The following CNTNAP2 variants were observed in gnomAD, a reference collection of about 807,000 sequenced individuals.
CNTNAP2 encodes contactin associated protein 2.
Under a neutral mutation model 155.2 loss-of-function variants are expected in CNTNAP2, and 98 were observed. The observed-to-expected ratio is 0.63, with a 90% CI of 0.54 to 0.75. The LOEUF (loss-of-function observed/expected upper bound fraction) is 0.75, where lower values mean the gene tolerates loss of function less well. CNTNAP2 is among the 30% of genes least tolerant of loss of function. The pLI is 0.00. For synonymous variants in CNTNAP2, 651 were observed against 631.2 expected (o/e 1.03, Z -0.47); for missense variants, 1,727 against 1,688.1 (o/e 1.02, Z -0.40).
At chr7:147,578,555 C>A (rs759456276) in intron 12 of CNTNAP2, among the ~76,000 whole-genome samples, 1 of 151,988 alleles carries the variant, frequency 6.6e-6, no homozygotes, top group Non-Finnish European at 1.5e-5. Context: ...CAAAGGGTTT[C>A]TTTAACAGTA....
intron 13 of CNTNAP2, among the ~76,000 whole-genome samples, chr7:147,808,947 G>A (rs1045678963): frequency 1.3e-5 from 2 of 152,108 alleles, no homozygotes; most frequent in African/African-American, 2.4e-5. Context: ...GCACCAAGAT[G>A]AGCCCATTAC....
chr7:146,860,555 A>G (rs1795077445), intron 3 of CNTNAP2, among the ~76,000 whole-genome samples: 2 of 152,308 alleles, frequency 1.3e-5, no homozygotes, highest in African/African-American at 2.4e-5. Context: ...CTAGATAGGG[A>G]CATATTTATC....
intron 23 of CNTNAP2, among the ~76,000 whole-genome samples, chr7:148,411,896 G>A (rs942248375): frequency 5.3e-5 from 8 of 151,166 alleles, no homozygotes; most frequent in African/African-American, 1.9e-4. Context: ...TTTTTGTTTT[G>A]TTGGTCTATA....
intron 14 of CNTNAP2, among the ~76,000 whole-genome samples, chr7:147,921,580 G>T (rs1460244004): frequency 6.6e-6 from 1 of 152,162 alleles, no homozygotes; most frequent in Non-Finnish European, 1.5e-5. Flanking sequence ...GCACAAGGTA[G>T]TCTGCTAAGA....
rs116753095 is a variant in CNTNAP2, at chr7:147,995,360, C to T, written c.2383+17371C>T. Reference sequence around the variant, plus strand: ...CACAAGGATGCTGCCTCTCTCCTTCCCCTGCTCCCCAAACCCTTCTCCACA... The same window carrying T: ...CACAAGGATGCTGCCTCTCTCCTTCTCCTGCTCCCCAAACCCTTCTCCACA... On this transcript the variant is annotated intron_variant, in intron 15 of 23. Coordinates refer to ENST00000361727, the MANE Select transcript of CNTNAP2 (RefSeq NM_014141.6). 7.1e-3 allele frequency among the ~76,000 whole-genome samples: 1,085 copies of T among 152,196 alleles called. 17 individuals are homozygous for T. The highest frequency in any genetic ancestry group is 0.025 in the African/African-American group (1,021 of 41,502).
At chr7:146,245,390 T>C (rs1383374581) in intron 1 of CNTNAP2, among the ~76,000 whole-genome samples, 2 of 152,178 alleles carry the variant, frequency 1.3e-5, no homozygotes, top group East Asian at 3.9e-4. Flanking sequence ...TTTTGGAAGT[T>C]ATGAGAAATG....
chr7:146,332,128 C>T (rs6972724), intron 1 of CNTNAP2, among the ~76,000 whole-genome samples: 1 of 151,516 alleles, frequency 6.6e-6, no homozygotes, highest in African/African-American at 2.4e-5. Context: ...CTGATAAATA[C>T]ATGTATCTAT....
chr7:147,822,547 G>C (rs1258724253), intron 13 of CNTNAP2, among the ~76,000 whole-genome samples: 1 of 152,030 alleles, frequency 6.6e-6, no homozygotes, highest in Non-Finnish European at 1.5e-5. Flanking sequence ...TATTTTGTCA[G>C]CCTGCCAGAT....
chr7:146,846,226 A>G (rs1441054701), intron 3 of CNTNAP2, among the ~76,000 whole-genome samples: 1 of 152,174 alleles, frequency 6.6e-6, no homozygotes, highest in Non-Finnish European at 1.5e-5. Flanking sequence ...TCTTTATGTA[A>G]ACATCTACAT....
chr7:146,569,074 T>A (rs1798401001), intron 1 of CNTNAP2, among the ~76,000 whole-genome samples: 1 of 152,126 alleles, frequency 6.6e-6, no homozygotes, highest in Non-Finnish European at 1.5e-5. Context: ...TGGAGTGCAG[T>A]GGCGCAATCT....
intron 2 of CNTNAP2, among the ~76,000 whole-genome samples, chr7:146,817,047 A>G (rs1216264179): frequency 2.0e-5 from 3 of 152,230 alleles, no homozygotes; most frequent in African/African-American, 7.2e-5. Flanking sequence ...CACAGAAAAT[A>G]AATGGTTAGA....
rs1047122103 is a variant in CNTNAP2, at chr7:146,545,588, G to A, written c.98-228683G>A. On this transcript the variant is annotated intron_variant, in intron 1 of 23. Transcript: ENST00000361727. ...CTCCCACTTATGAGTGAGAACACGCGGTGTTTGGTTTTCTGTTCCTGTGTT... is the reference window on the plus strand; with the variant it reads ...CTCCCACTTATGAGTGAGAACACGCAGTGTTTGGTTTTCTGTTCCTGTGTT... Among the ~76,000 whole-genome samples, 11 of 151,742 alleles carry A rather than the reference G, an allele frequency of 7.2e-5. No individual in the cohort carries two copies. In the South Asian group the frequency reaches 8.3e-4, roughly 11 times the overall value.
chr7:146,283,640 G>A (rs1800284327), intron 1 of CNTNAP2, among the ~76,000 whole-genome samples: 1 of 152,086 alleles, frequency 6.6e-6, no homozygotes, highest in African/African-American at 2.4e-5. Flanking sequence ...GCAGGATATG[G>A]AAAATGAAAT....
At chr7:147,347,463 T>TATATATGCATATATATATATGC (rs1554472702) in intron 9 of CNTNAP2, among the ~76,000 whole-genome samples, 2 of 67,854 alleles carry the variant, frequency 2.9e-5, no homozygotes, top group African/African-American at 6.8e-5. Context: ...TATGCATATA[T>TATATATGCATATATATATATGC]ATATATATAT....
intron 13 of CNTNAP2, among the ~76,000 whole-genome samples, chr7:147,852,920 T>A (rs1264360462): frequency 6.6e-6 from 1 of 152,200 alleles, no homozygotes; most frequent in Non-Finnish European, 1.5e-5. Flanking sequence ...CTTCTCCACT[T>A]ACTCCTACCC....
chr7:146,584,994 A>G (rs1798665594), intron 1 of CNTNAP2, among the ~76,000 whole-genome samples: 1 of 152,184 alleles, frequency 6.6e-6, no homozygotes, highest in Non-Finnish European at 1.5e-5. Context: ...CCTTCACACC[A>G]AAGAAGGAAA....
chr7:146,974,978 C>A (rs36049690), intron 3 of CNTNAP2, among the ~76,000 whole-genome samples: 2 of 151,958 alleles, frequency 1.3e-5, no homozygotes, highest in Non-Finnish European at 2.9e-5. Flanking sequence ...TCTAAAAAAA[C>A]AAAACAAAGC....
At chr7:146,177,334 A>G (rs1798483704) in intron 1 of CNTNAP2, among the ~76,000 whole-genome samples, 2 of 152,214 alleles carry the variant, frequency 1.3e-5, no homozygotes, top group East Asian at 3.8e-4. Flanking sequence ...TCAGGCATCA[A>G]CAAAGGCTGT....
intron 4 of CNTNAP2, among the ~76,000 whole-genome samples, chr7:147,060,590 G>A (rs1027244588): frequency 2.6e-5 from 4 of 151,946 alleles, no homozygotes; most frequent in East Asian, 1.9e-4. Context: ...GGGGCCGGGC[G>A]CGGTGGCTCA....
Sources: gnomAD v4.1 joint callset for allele counts (sites outside exome capture counted in the v4.1 genomes callset) on GRCh38, gnomAD v4.1.1 for gene constraint, MANE v1.5 for transcripts, NCBI Gene and HGNC (gene_info 2026-07-23, HGNC 2026-07-21) for gene names.